The following GPC6 variants were observed in gnomAD, a reference collection of about 807,000 sequenced individuals.
The protein encoded by GPC6 is glypican-6.
GPC6 carries 14 observed loss-of-function variants against 55.2 expected under a neutral mutation model. That is an observed-to-expected ratio of 0.25 (90% CI 0.17 to 0.40). The LOEUF is 0.40. Among genes scored for constraint, GPC6 ranks in the 10% least tolerant of loss-of-function variants. The pLI is 1.00. For synonymous variants in GPC6, 278 were observed against 259.6 expected (o/e 1.07, Z -0.68); for missense variants, 641 against 708.5 (o/e 0.90, Z 1.08).
intron 3 of GPC6, among the ~76,000 whole-genome samples, chr13:93,938,643 T>A (rs1173776406): frequency 2.0e-5 from 3 of 152,196 alleles, no homozygotes; most frequent in Non-Finnish European, 4.4e-5. Flanking sequence ...TCTTCCTTGA[T>A]GTTCTAAGAG....
chr13:93,781,651 A>G (rs1885655638), intron 2 of GPC6, among the ~76,000 whole-genome samples: 1 of 152,188 alleles, frequency 6.6e-6, no homozygotes, highest in African/African-American at 2.4e-5. Flanking sequence ...ACAGATTAAG[A>G]TAATGTGATC....
intron 2 of GPC6, among the ~76,000 whole-genome samples, chr13:93,557,793 T>C (rs1409624632): frequency 6.6e-6 from 1 of 152,214 alleles, no homozygotes; most frequent in Non-Finnish European, 1.5e-5. Flanking sequence ...TTTTAACTAA[T>C]ATAAGTTTTA....
intron 1 of GPC6, among the ~76,000 whole-genome samples, chr13:93,333,670 G>A (rs1879938913): frequency 6.6e-6 from 1 of 151,192 alleles, no homozygotes; most frequent in Admixed American, 6.6e-5. Context: ...TATTGTAGCT[G>A]GGACCAAAGG....
intron 2 of GPC6, among the ~76,000 whole-genome samples, chr13:93,800,828 A>G (rs1359669592): frequency 6.6e-6 from 1 of 152,222 alleles, no homozygotes; most frequent in Non-Finnish European, 1.5e-5. Flanking sequence ...CTCATCTCCC[A>G]TATTTCATAT....
chr13:94,184,299 C>G (rs1339884852), intron 4 of GPC6, among the ~76,000 whole-genome samples: 1 of 151,704 alleles, frequency 6.6e-6, no homozygotes, highest in Non-Finnish European at 1.5e-5. Context: ...AACCATAGAG[C>G]TTTTGCACAG....
chr13:94,395,761 G>A (rs184319991), intron 7 of GPC6, among the ~76,000 whole-genome samples: 22 of 150,878 alleles, frequency 1.5e-4, no homozygotes, highest in Non-Finnish European at 2.7e-4. Flanking sequence ...AGCAACAACA[G>A]TAGAGCAAGT....
intron 2 of GPC6, among the ~76,000 whole-genome samples, chr13:93,648,829 A>G (rs1205063429): frequency 6.6e-6 from 1 of 152,170 alleles, no homozygotes; most frequent in East Asian, 1.9e-4. Flanking sequence ...GACATCACCC[A>G]TGTCACGCAA....
At position 94,282,742 on chromosome 13, in the gene GPC6, C is replaced by T. The variant is rs559227232; in HGVS notation, c.878-3607C>T. 6.8e-4 allele frequency among the ~76,000 whole-genome samples: 103 copies of T among 152,308 alleles called. 1 individual carries two copies. Among genetic ancestry groups the T allele is most frequent in the African/African-American group, 2.4e-3 (98 of 41,574 alleles). On this transcript the variant is annotated intron_variant, in intron 4 of 8. Coordinates refer to ENST00000377047, the MANE Select transcript of GPC6 (RefSeq NM_005708.5). ...CTGGGACTGTCATCTGGAATCCCTA[C>T]ACATGCCCTCTCCAACACTGTGATC...
chr13:94,113,363 C>T (rs955362281), intron 4 of GPC6, among the ~76,000 whole-genome samples: 4 of 152,076 alleles, frequency 2.6e-5, no homozygotes, highest in Non-Finnish European at 5.9e-5. Flanking sequence ...ATCATACTCT[C>T]AGTTCCTAGC....
intron 2 of GPC6, among the ~76,000 whole-genome samples, chr13:93,783,086 T>C (rs1885706472): frequency 1.3e-5 from 2 of 152,170 alleles, no homozygotes; most frequent in Admixed American, 1.3e-4. Flanking sequence ...AGTTTTCTCT[T>C]CCTCTGTTAG....
At chr13:94,378,815 C>A (rs1298275043) in intron 6 of GPC6, among the ~76,000 whole-genome samples, 1 of 152,114 alleles carries the variant, frequency 6.6e-6, no homozygotes, top group Non-Finnish European at 1.5e-5. Flanking sequence ...AATATTGGAG[C>A]GATCGTAAAT....
chr13:94,212,494 G>A (rs189471891), intron 4 of GPC6, among the ~76,000 whole-genome samples: 58 of 152,148 alleles, frequency 3.8e-4, no homozygotes, highest in African/African-American at 1.3e-3. Flanking sequence ...ACTGTTCTAG[G>A]CATTACCTAA....
intron 4 of GPC6, among the ~76,000 whole-genome samples, chr13:94,235,613 C>T (rs1261873873): frequency 2.0e-5 from 3 of 152,078 alleles, no homozygotes; most frequent in Non-Finnish European, 2.9e-5. Context: ...TATTTCTCTA[C>T]CCTATGCCAA....
chr13:94,348,556 A>T (rs1236848258), intron 6 of GPC6, among the ~76,000 whole-genome samples: 3 of 152,144 alleles, frequency 2.0e-5, no homozygotes, highest in Non-Finnish European at 4.4e-5. Context: ...CTTTGTTCAC[A>T]TTCTTCCTTC....
At chr13:94,082,732 GTTTA>G (rs1250464283) in intron 4 of GPC6, among the ~76,000 whole-genome samples, 1 of 152,042 alleles carries the variant, frequency 6.6e-6, no homozygotes. Context: ...CATTTTCCTA[GTTTA>G]TTTGATATTT....
Position 94,383,464 on chromosome 13 carries a change from C to T in GPC6, c.1289+914C>T, listed in dbSNP as rs151028125. On this transcript the variant is annotated intron_variant, in intron 7 of 8. Transcript: ENST00000377047. ...GGTGTGTGGTTGCCAGGAGCGGTGGCTCACGCCTGTAATCCCAACACTTTG... is the reference window on the plus strand; with the variant it reads ...GGTGTGTGGTTGCCAGGAGCGGTGGTTCACGCCTGTAATCCCAACACTTTG... Among the ~76,000 whole-genome samples, 377 of 152,308 alleles carry T rather than the reference C, an allele frequency of 2.5e-3. 1 individual carries two copies. The highest frequency in any genetic ancestry group is 4.6e-3 in the Admixed American group (71 of 15,304).
chr13:93,437,248 A>G (rs535867357), intron 1 of GPC6, among the ~76,000 whole-genome samples: 4 of 152,274 alleles, frequency 2.6e-5, no homozygotes, highest in East Asian at 1.9e-4. Flanking sequence ...AGGCCAGTTA[A>G]TAATTCTACA....
At chr13:93,778,476 T>A (rs1381698297) in intron 2 of GPC6, among the ~76,000 whole-genome samples, 4 of 152,206 alleles carry the variant, frequency 2.6e-5, no homozygotes, top group Non-Finnish European at 4.4e-5. Context: ...AGCATTGTGC[T>A]AAGTACTGGG....
At chr13:93,922,637 G>T (rs1337807038) in intron 3 of GPC6, among the ~76,000 whole-genome samples, 1 of 152,104 alleles carries the variant, frequency 6.6e-6, no homozygotes, top group East Asian at 1.9e-4. Context: ...GACATTGTCA[G>T]ATGTCTCCTG....
Sources: gnomAD v4.1 joint callset for allele counts (sites outside exome capture counted in the v4.1 genomes callset) on GRCh38, gnomAD v4.1.1 for gene constraint, MANE v1.5 for transcripts, NCBI Gene and HGNC (gene_info 2026-07-23, HGNC 2026-07-21) for gene names.